The following ADGRL3 variants were observed in gnomAD, a reference collection of about 807,000 sequenced individuals.
ADGRL3 encodes calcium-independent alpha-latrotoxin receptor 3.
Under a neutral mutation model 153.5 loss-of-function variants are expected in ADGRL3, and 62 were observed. That is an observed-to-expected ratio of 0.40 (90% CI 0.33 to 0.50). ADGRL3 has a LOEUF of 0.50. ADGRL3 is among the 20% of genes least tolerant of loss of function. ADGRL3 has a pLI of 0.47. For synonymous variants in ADGRL3, 710 were observed against 672.5 expected, an observed-to-expected ratio of 1.06 and a Z score of -0.86; for missense variants, 1,641 against 1,859.4, an observed-to-expected ratio of 0.88 and a Z score of 2.16.
chr4:61,202,508 G>A lies in ADGRL3; in HGVS notation c.-240+743G>A, dbSNP rs912947069. Among the ~76,000 whole-genome samples the A allele has an allele frequency of 2.0e-5, 3 of 152,172 alleles. No individual in the cohort carries two copies. The highest frequency in any genetic ancestry group is 4.4e-5 in the Non-Finnish European group (3 of 68,028). ...TGCGCTGTGCTGGTAGTGGGCACTG[G>A]GCGGGGGGCGGCGGTGTTGCACGAA... is the stretch of plus-strand genomic sequence containing the variant. On this transcript the variant is annotated intron_variant, in intron 1 of 26. Transcript: ENST00000683033. The surrounding 1 kb of genome is among the most constrained non-coding windows in gnomAD (Gnocchi z 5.0).
At position 61,957,757 on chromosome 4, in the gene ADGRL3, T is replaced by A. The variant is rs12642300; in HGVS notation, c.2805+9481T>A. Among the ~76,000 whole-genome samples the A allele has an allele frequency of 9.7e-4, 148 of 152,116 alleles. 2 individuals carry two copies. The East Asian group carries it at 0.026, about 27-fold the overall frequency. Reference sequence around the variant, plus strand: ...GTTAAAGCTTTGTTTTGATTATTTCTTAAATATTTAAATTTATGAAAAACA... The same window carrying A: ...GTTAAAGCTTTGTTTTGATTATTTCATAAATATTTAAATTTATGAAAAACA... On this transcript the variant is annotated intron_variant, in intron 17 of 26. Transcript: ENST00000683033.
intron 25 of ADGRL3, 109 bp downstream of exon 25, chr4:62,044,658 A>G (rs1300898841): frequency 9.2e-6 from 6 of 651,580 alleles, no homozygotes; most frequent in African/African-American, 1.8e-5. Flanking sequence ...TGATAGAAAC[A>G]TTGTAAGAAC....
chr4:61,636,844 G>A lies in ADGRL3; in HGVS notation c.474-39982G>A, dbSNP rs538054039. Among the ~76,000 whole-genome samples the A allele has an allele frequency of 2.6e-5, 4 of 151,118 alleles. 1 individual carries two copies. The highest frequency in any genetic ancestry group is 9.7e-5 in the African/African-American group (4 of 41,314). ...TAAATATACATATATTTTTAGTTTT[G>A]TTAAACACATTTGTCTGACTTAAGG... On this transcript the variant is annotated intron_variant, in intron 5 of 26. Coordinates refer to ENST00000683033, the MANE Select transcript of ADGRL3 (RefSeq NM_001387552.1).
chr4:61,376,790 A>G (rs1251325955), intron 1 of ADGRL3, among the ~76,000 whole-genome samples: 1 of 152,142 alleles, frequency 6.6e-6, no homozygotes, highest in Non-Finnish European at 1.5e-5. Flanking sequence ...TTATTATGTC[A>G]TAGGACAATG....
At chr4:61,411,431 G>A (rs2097086515) in intron 2 of ADGRL3, among the ~76,000 whole-genome samples, 1 of 152,146 alleles carries the variant, frequency 6.6e-6, no homozygotes, top group South Asian at 2.1e-4. Flanking sequence ...GGCAAGTGAT[G>A]TCAGCAACAG....
At chr4:61,437,225 C>T (rs538154820) in intron 2 of ADGRL3, among the ~76,000 whole-genome samples, 35 of 152,082 alleles carry the variant, frequency 2.3e-4, no homozygotes, top group Admixed American at 8.5e-4. Flanking sequence ...TTTTATTCAA[C>T]GCTTTGGAAA....
chr4:61,279,681 T>C (rs866138138), intron 1 of ADGRL3, among the ~76,000 whole-genome samples: 1 of 152,208 alleles, frequency 6.6e-6, no homozygotes, highest in Admixed American at 6.5e-5. Flanking sequence ...TTGAGGACTT[T>C]ACATGTCTCT....
At chr4:61,485,257 G>A (rs2098177080) in intron 2 of ADGRL3, among the ~76,000 whole-genome samples, 1 of 152,012 alleles carries the variant, frequency 6.6e-6, no homozygotes, top group East Asian at 1.9e-4. Flanking sequence ...AATGAAATAT[G>A]GGAAAATTAT....
At chr4:61,333,803 AG>A (rs2095622036) in intron 1 of ADGRL3, among the ~76,000 whole-genome samples, 1 of 152,040 alleles carries the variant, frequency 6.6e-6, no homozygotes, top group African/African-American at 2.4e-5. Context: ...TTTTGTAAAG[AG>A]GGAGGCTCAC....
intron 1 of ADGRL3, among the ~76,000 whole-genome samples, chr4:61,275,547 T>C (rs2093419782): frequency 6.6e-6 from 1 of 152,192 alleles, no homozygotes; most frequent in East Asian, 1.9e-4. Flanking sequence ...TCCCCAGAAA[T>C]CTCAGAGTGT....
chr4:61,760,329 T>C (rs148144292), intron 8 of ADGRL3, among the ~76,000 whole-genome samples: 4,109 of 152,156 alleles, frequency 0.027, 119 homozygotes, highest in East Asian at 0.075. Flanking sequence ...CCCAGCAGCT[T>C]TGTTTACCTA....
intron 1 of ADGRL3, among the ~76,000 whole-genome samples, chr4:61,378,439 T>C (rs1408283186): frequency 1.3e-5 from 2 of 152,018 alleles, no homozygotes; most frequent in Non-Finnish European, 2.9e-5. Flanking sequence ...CTAAACTTTG[T>C]ACTACTGATT....
intron 2 of ADGRL3, among the ~76,000 whole-genome samples, chr4:61,455,584 A>C (rs189245365): frequency 3.9e-5 from 6 of 152,246 alleles, no homozygotes; most frequent in Admixed American, 2.0e-4. Context: ...TTAAATATTC[A>C]TGAGTATAAT....
At position 61,998,273 on chromosome 4, in the gene ADGRL3, A is replaced by AT; in HGVS notation, c.3395+13dup. 6.8e-7 allele frequency: 1 copy of AT among 1,471,924 alleles called. No individual in the cohort carries two copies. The highest frequency in any genetic ancestry group is 1.3e-5 in the South Asian group (1 of 78,592). 91.2% of individuals were successfully genotyped at this position (1,471,924 alleles called of 1,614,324 possible). ...CTGTCTTGATAACATCAAGTAAGTG[A>AT]TTTTTATTTTTGTTTTCTATAGGTT... On this transcript the variant is annotated intron_variant, in intron 21 of 26. Coordinates refer to ENST00000683033, the MANE Select transcript of ADGRL3 (RefSeq NM_001387552.1).
intron 6 of ADGRL3, among the ~76,000 whole-genome samples, chr4:61,689,359 A>C (rs2095500488): frequency 6.6e-6 from 1 of 152,150 alleles, no homozygotes; most frequent in African/African-American, 2.4e-5. Context: ...ACCTGATTAT[A>C]TGAGTCTTGA....
At chr4:62,030,413 G>A (rs1056268215) in intron 22 of ADGRL3, among the ~76,000 whole-genome samples, 3 of 151,614 alleles carry the variant, frequency 2.0e-5, no homozygotes, top group East Asian at 1.9e-4. Context: ...AGTGTATAGC[G>A]ATCTCTACTG....
At chr4:61,848,573 G>T (rs911981321) in intron 9 of ADGRL3, among the ~76,000 whole-genome samples, 5 of 151,932 alleles carry the variant, frequency 3.3e-5, no homozygotes, top group African/African-American at 1.2e-4. Context: ...TCCAAATAAG[G>T]TCACATTCAC....
intron 4 of ADGRL3, among the ~76,000 whole-genome samples, chr4:61,557,088 G>T (rs1418304181): frequency 6.6e-6 from 1 of 152,118 alleles, no homozygotes; most frequent in Non-Finnish European, 1.5e-5. Context: ...AAACAAATCA[G>T]AGGTAAGATA....
intron 1 of ADGRL3, among the ~76,000 whole-genome samples, chr4:61,230,973 A>G (rs1209632713): frequency 6.6e-6 from 1 of 152,200 alleles, no homozygotes; most frequent in Non-Finnish European, 1.5e-5. Context: ...ATCTAGTCCA[A>G]GCAGGACTTA....
Sources: gnomAD v4.1 joint callset for allele counts (sites outside exome capture counted in the v4.1 genomes callset) on GRCh38, gnomAD v4.1.1 for gene constraint, Gnocchi (gnomAD v3.1) non-coding constraint, MANE v1.5 for transcripts, NCBI Gene and HGNC (gene_info 2026-07-23, HGNC 2026-07-21) for gene names.